FRMD4A: variants seen among roughly 807,000 people sequenced by gnomAD.
The protein encoded by FRMD4A is FERM domain-containing protein 4A.
In FRMD4A, 29 loss-of-function variants were observed where a neutral mutation model predicts 129.1. The observed-to-expected ratio is 0.22, with a 90% confidence interval of 0.17 to 0.31. The LOEUF (loss-of-function observed/expected upper bound fraction) is 0.31. Ranked by LOEUF, FRMD4A falls within the 10% of genes least tolerant of loss-of-function variation. The pLI is 1.00. For synonymous variants in FRMD4A, 634 were observed against 571.6 expected (o/e 1.11, Z -1.56); for missense variants, 1,272 against 1,375.8 (o/e 0.92, Z 1.19).
At chr10:13,783,130 G>A (rs1000153631) in intron 5 of FRMD4A, 124 bp from the exon 6 acceptor site, 18 of 651,552 alleles carry the variant, frequency 2.8e-5, no homozygotes, top group African/African-American at 2.4e-4. Context: ...AAAGGAAAAA[G>A]GCACCATCCA....
At chr10:14,266,404 T>C (rs149444923) in intron 2 of FRMD4A, among the ~76,000 whole-genome samples, 4 of 152,276 alleles carry the variant, frequency 2.6e-5, no homozygotes, top group African/African-American at 9.6e-5. Flanking sequence ...AGATTATAAA[T>C]AATATTTTCT....
chr10:14,289,619 T>C (rs1845788671), intron 2 of FRMD4A, among the ~76,000 whole-genome samples: 1 of 152,126 alleles, frequency 6.6e-6, no homozygotes, highest in African/African-American at 2.4e-5. Flanking sequence ...GTAATTTACC[T>C]CAACACAATA....
intron 2 of FRMD4A, among the ~76,000 whole-genome samples, chr10:14,243,831 T>TAAAA (rs11447138): frequency 1.0e-4 from 15 of 147,932 alleles, no homozygotes; most frequent in African/African-American, 3.0e-4. Context: ...TTACCACAAT[T>TAAAA]AAAAAAAAAA....
chr10:14,011,240 C>T (rs748401284), intron 2 of FRMD4A, among the ~76,000 whole-genome samples: 9 of 152,154 alleles, frequency 5.9e-5, no homozygotes, highest in Non-Finnish European at 1.3e-4. Flanking sequence ...AAGAGAATGT[C>T]AATATAGGAA....
At chr10:13,756,508 C>T (rs372071968) in intron 8 of FRMD4A, among the ~76,000 whole-genome samples, 11 of 152,152 alleles carry the variant, frequency 7.2e-5, no homozygotes, top group African/African-American at 2.2e-4. Flanking sequence ...ACTACAGGCA[C>T]ACGCCACCAT....
chr10:14,257,533 G>A (rs1427440177), intron 2 of FRMD4A, among the ~76,000 whole-genome samples: 1 of 152,188 alleles, frequency 6.6e-6, no homozygotes, highest in African/African-American at 2.4e-5. Flanking sequence ...AAATGCATGT[G>A]TACCTGGTGC....
chr10:14,121,161 A>T (rs753912950), intron 2 of FRMD4A, among the ~76,000 whole-genome samples: 1 of 152,130 alleles, frequency 6.6e-6, no homozygotes, highest in Non-Finnish European at 1.5e-5. Context: ...TGAGGTCAGG[A>T]GTTCAAGACT....
At chr10:14,328,169 T>C (rs1843354035) in intron 2 of FRMD4A, among the ~76,000 whole-genome samples, 1 of 152,026 alleles carries the variant, frequency 6.6e-6, no homozygotes, top group African/African-American at 2.4e-5. Flanking sequence ...TCCATCAGGG[T>C]GTCAAGAGCT....
chr10:13,963,550 C>G (rs191467707), intron 2 of FRMD4A, among the ~76,000 whole-genome samples: 1 of 152,116 alleles, frequency 6.6e-6, no homozygotes, highest in Non-Finnish European at 1.5e-5. Context: ...TCATTGAAAA[C>G]CCAATCTCAT....
intron 8 of FRMD4A, among the ~76,000 whole-genome samples, chr10:13,750,958 C>G (rs184030670): frequency 1.3e-5 from 2 of 152,302 alleles, no homozygotes; most frequent in African/African-American, 4.8e-5. Context: ...TCTCTCCCTG[C>G]GTCATGGTAA....
intron 2 of FRMD4A, among the ~76,000 whole-genome samples, chr10:13,879,795 TTCC>T (rs796723587): frequency 0.027 from 2,884 of 105,816 alleles, 109 homozygotes; most frequent in African/African-American, 0.098. Context: ...TCCTCCTCCC[TTCC>T]TCCTCCTCCT....
intron 15 of FRMD4A, 148 bp from the exon 16 acceptor site, chr10:13,675,192 A>C (rs2083872111): frequency 1.6e-6 from 1 of 606,236 alleles, no homozygotes. Flanking sequence ...TCAGCACTCT[A>C]ACTGTGAGAA....
At chr10:14,309,203 T>C (rs933855772) in intron 2 of FRMD4A, among the ~76,000 whole-genome samples, 2 of 152,114 alleles carry the variant, frequency 1.3e-5, no homozygotes, top group Non-Finnish European at 2.9e-5. Context: ...TAATCACAGC[T>C]ACGCAGGAGA....
intron 5 of FRMD4A, among the ~76,000 whole-genome samples, chr10:13,785,130 C>T (rs567277540): frequency 6.6e-6 from 1 of 152,216 alleles, no homozygotes; most frequent in East Asian, 1.9e-4. Context: ...CTTGTCTACA[C>T]ACTAAATAAA....
intron 2 of FRMD4A, among the ~76,000 whole-genome samples, chr10:13,935,773 TC>T (rs957573165): frequency 2.8e-4 from 42 of 152,140 alleles, no homozygotes; most frequent in Non-Finnish European, 5.9e-4. Context: ...GCTTAGATAC[TC>T]CTATCCTCCT....
At chr10:14,282,699 C>A (rs1845561068) in intron 2 of FRMD4A, among the ~76,000 whole-genome samples, 2 of 152,098 alleles carry the variant, frequency 1.3e-5, no homozygotes, top group Non-Finnish European at 2.9e-5. Context: ...GCTTAGACTC[C>A]AGGTCATAGC....
intron 2 of FRMD4A, chr10:13,870,681 TCCTCC>T (rs56186951): frequency 0.44 from 66,947 of 151,384 alleles, 14,998 homozygotes; most frequent in Non-Finnish European, 0.48. Flanking sequence ...TCACGCTCCG[TCCTCC>T]CCTCCCCTCC....
chr10:13,760,516 C>T (rs991750062), intron 8 of FRMD4A, among the ~76,000 whole-genome samples: 2 of 151,784 alleles, frequency 1.3e-5, no homozygotes, highest in African/African-American at 4.8e-5. Flanking sequence ...GAGACCTTGT[C>T]TCTGAAAAAA....
chr10:14,080,615 G>A (rs1352142517), intron 2 of FRMD4A, among the ~76,000 whole-genome samples: 1 of 151,980 alleles, frequency 6.6e-6, no homozygotes, highest in Non-Finnish European at 1.5e-5. Context: ...TTGGATCCTG[G>A]ACACAGCTAC....
Sources: allele counts gnomAD v4.1 joint callset (sites outside exome capture counted in the v4.1 genomes callset), GRCh38; gene constraint gnomAD v4.1.1; transcripts MANE v1.5; gene names NCBI Gene and HGNC (gene_info 2026-07-23, HGNC 2026-07-21).